The following SUPT16H variants were observed in gnomAD, a reference collection of about 807,000 sequenced individuals.
SUPT16H encodes SPT16 homolog, facilitates chromatin remodeling subunit, also known as FACT complex subunit SPT16.
SUPT16H carries 24 observed loss-of-function variants against 136.2 expected under a neutral mutation model. The observed-to-expected ratio is 0.18, with a 90% CI of 0.13 to 0.25. The LOEUF (loss-of-function observed/expected upper bound fraction) is 0.25. SUPT16H is among the 10% of genes least tolerant of loss of function. SUPT16H has a pLI of 1.00. For synonymous variants in SUPT16H, 415 were observed against 428.2 expected, an observed-to-expected ratio of 0.97 and a Z score of 0.38; for missense variants, 623 against 1,270.2, an observed-to-expected ratio of 0.49 and a Z score of 7.74.
intron 6 of SUPT16H, 112 bp from the exon 7 acceptor site, chr14:21,368,553 T>A (rs571030416): frequency 8.3e-7 from 1 of 1,211,922 alleles, no homozygotes; most frequent in South Asian, 1.9e-5. Context: ...ATCCCAAAGC[T>A]GTGGCTGAAT....
chr14:21,383,869 T>C lies in SUPT16H; in HGVS notation c.59A>G (p.Asn20Ser), dbSNP rs772638192. The part of the protein sequence containing the change: ...YYRRVKRLYS[N>S]WRKGEDEYAN... ...TTACAGGATCTTCCTCACCCGCCAA[T>C]TGCTGTACAGTCTCTTCACTCGCCG... Residue 20 changes from asparagine (N) to serine (S), a missense_variant, in exon 1 of 26, where the codon AAT (asparagine) becomes AGT (serine). Around this residue, in one of 7 missense-constraint regions of SUPT16H, gnomAD observed 343 missense variants for 525.7 expected, o/e 0.65. Transcript: ENST00000216297. The C allele has an allele frequency of 5.5e-5, 88 of 1,613,792 alleles. No homozygotes were observed. Among genetic ancestry groups the C allele is most frequent in the Non-Finnish European group, 7.3e-5 (86 of 1,180,022 alleles).
intron 3 of SUPT16H, 109 bp downstream of exon 3, chr14:21,371,765 G>A: frequency 1.5e-6 from 2 of 1,319,090 alleles, no homozygotes. Context: ...TACAACCACA[G>A]CCACCTATAA....
intron 7 of SUPT16H, among the ~76,000 whole-genome samples, chr14:21,367,247 T>C (rs1886691826): frequency 6.6e-6 from 1 of 152,204 alleles, no homozygotes. Flanking sequence ...CCATTCTTAA[T>C]CATACTATTT....
chr14:21,368,762 T>C (rs965756969), intron 6 of SUPT16H, among the ~76,000 whole-genome samples: 12 of 152,220 alleles, frequency 7.9e-5, no homozygotes, highest in African/African-American at 2.9e-4. Context: ...ACTTATCCAT[T>C]AGTCCTCTAT....
At chr14:21,353,663 G>A (rs1211539644) in intron 24 of SUPT16H, 40 bp downstream of exon 24, 10 of 1,605,968 alleles carry the variant, frequency 6.2e-6, no homozygotes, top group Non-Finnish European at 7.7e-6. Flanking sequence ...AATGACATTA[G>A]ATTAGGAAGC....
In SUPT16H at chr14:21,368,360, G is replaced by A. The variant is rs1886715519; in HGVS notation, c.864C>T (p.Arg288=). 1 of 1,613,982 alleles carries A rather than the reference G, an allele frequency of 6.2e-7. No homozygotes were observed. The highest frequency in any genetic ancestry group is 1.7e-5 in the Admixed American group (1 of 59,990). ...CTTGAGAAGGATCAACCATCAAAGT[G>A]CGAACAAGGTTGGAGCAGTAAGACT... ...RFKSYCSNLV[R]TLMVDPSQEV... is the part of the protein sequence containing the mutation. Residue 288 remains arginine (R), a synonymous_variant, in exon 7 of 26, where the codon CGC becomes CGT. Transcript: ENST00000216297.
rs1886604226 is a variant in SUPT16H, at chr14:21,363,620, A to AAT, written c.1234-119_1234-118dup. The AAT allele has an allele frequency of 5.5e-5, 47 of 847,736 alleles. No individual in the cohort carries two copies. The South Asian group carries it at 7.7e-4, about 14-fold the overall frequency. The allele number at this position is 847,736 out of a possible 1,614,324, so 52.5% of individuals were successfully genotyped here. On this transcript the variant is annotated intron_variant, in intron 10 of 25. Coordinates refer to ENST00000216297, the MANE Select transcript of SUPT16H (RefSeq NM_007192.4). ...TTGGACACTAAAATGTTTGACAATG[A>AAT]ATAAATATAGTTTTTATCCTTCTAA...
intron 15 of SUPT16H, 98 bp from the exon 16 acceptor site, chr14:21,361,311 CTTT>C (rs35486887): frequency 0.016 from 7,445 of 454,484 alleles, 3 homozygotes; most frequent in East Asian, 0.038. Context: ...CTCTACTTTG[CTTT>C]TTTTTTTTTT....
Position 21,373,114 on chromosome 14 carries a change from T to C in SUPT16H, c.159+224A>G, listed in dbSNP as rs554864708. Among the ~76,000 whole-genome samples the C allele has an allele frequency of 2.0e-5, 3 of 152,188 alleles. No homozygotes were observed. In the South Asian group the frequency reaches 6.2e-4, roughly 32 times the overall value. On this transcript the variant is annotated intron_variant, in intron 2 of 25. Coordinates refer to ENST00000216297, the MANE Select transcript of SUPT16H (RefSeq NM_007192.4). ...GCACACCCCCACATCTGCTTAATTT[T>C]TTTGTATTTCTTGTAAAGACAGGGT...
At chr14:21,379,224 C>T (rs1886967630) in intron 1 of SUPT16H, among the ~76,000 whole-genome samples, 1 of 151,902 alleles carries the variant, frequency 6.6e-6, no homozygotes, top group South Asian at 2.1e-4. Flanking sequence ...TTGCTTGAGG[C>T]CAGGAGTTAG....
chr14:21,360,683 T>C (rs2097492043), intron 17 of SUPT16H, 150 bp from the exon 18 acceptor site: 4 of 1,254,264 alleles, frequency 3.2e-6, no homozygotes, highest in Admixed American at 4.5e-5. Context: ...GCAGTGTAAG[T>C]AGATTCCTCC....
chr14:21,376,273 A>C (rs1352966679), intron 1 of SUPT16H, among the ~76,000 whole-genome samples: 1 of 152,180 alleles, frequency 6.6e-6, no homozygotes, highest in Non-Finnish European at 1.5e-5. Flanking sequence ...ACAGCGTTGT[A>C]GTAAGTTTTG....
chr14:21,373,022 C>T (rs563912431), intron 2 of SUPT16H, among the ~76,000 whole-genome samples: 14 of 152,268 alleles, frequency 9.2e-5, no homozygotes, highest in Non-Finnish European at 1.8e-4. Flanking sequence ...TGGCTTACTG[C>T]AACCTCTACC....
intron 6 of SUPT16H, among the ~76,000 whole-genome samples, chr14:21,368,895 A>G (rs1467921229): frequency 6.6e-6 from 1 of 152,214 alleles, no homozygotes; most frequent in Non-Finnish European, 1.5e-5. Flanking sequence ...GAAAAAATAG[A>G]TAACAGAGAC....
At position 21,363,326 on chromosome 14, in the gene SUPT16H, A is replaced by C; in HGVS notation, c.1302T>G (p.Asn434Lys). 1 of 1,605,850 alleles carries C rather than the reference A, an allele frequency of 6.2e-7. No homozygotes were observed. Among genetic ancestry groups the C allele is most frequent in the Non-Finnish European group, 8.5e-7 (1 of 1,175,080 alleles). Residue 434 changes from asparagine to lysine, a missense_variant and splice_region_variant, in exon 12 of 26, where the codon AAT (asparagine) becomes AAG (lysine). By Grantham distance (94) the Asn-to-Lys change is moderately conservative. Transcript: ENST00000216297. ...KVKNVGIFLK[N>K]EDEEEEEEEK... Reference sequence around the variant, plus strand: ...CCTCCTCCTCTTCTTCCTCATCTTCATTCTATGGAAAAAGTCATAATCAAA... The same window carrying C: ...CCTCCTCCTCTTCTTCCTCATCTTCCTTCTATGGAAAAAGTCATAATCAAA...
Position 21,361,167 on chromosome 14 carries a change from G to A in SUPT16H, c.1840C>T (p.Pro614Ser). Residue 614 changes from proline (P) to serine (S), a missense_variant, in exon 16 of 26, where the codon CCA becomes TCA. Pro to Ser is a moderately conservative substitution (Grantham distance 74). Coordinates refer to ENST00000216297, the MANE Select transcript of SUPT16H (RefSeq NM_007192.4). Reference protein sequence around the residue: ...NIKAPGEQTVPALNLQNAFRI... With the variant: ...NIKAPGEQTVSALNLQNAFRI... ...AAAGCATTCTGAAGGTTCAAGGCTG[G>A]TACTGTCTGTTCTCCGGGTGCCTTA... The A allele has an allele frequency of 6.2e-7, 1 of 1,614,056 alleles. No individual in the cohort carries two copies. Among genetic ancestry groups the A allele is most frequent in the Non-Finnish European group, 8.5e-7 (1 of 1,180,008 alleles).
At position 21,383,970 on chromosome 14, in the gene SUPT16H, A is replaced by C. The variant is rs1887115568; in HGVS notation, c.-43T>G. 1 of 1,611,084 alleles carries C rather than the reference A, an allele frequency of 6.2e-7. No homozygotes were observed. Among genetic ancestry groups the C allele is most frequent in the South Asian group, 1.1e-5 (1 of 90,976 alleles). On this transcript the variant is annotated 5_prime_UTR_variant, in exon 1 of 26. Coordinates refer to ENST00000216297, the MANE Select transcript of SUPT16H (RefSeq NM_007192.4). ...CTCCTCGGGTTCCGAGAATCACGCGAGGTCCCGGCTCAGCCACCCGCTCTC... is the reference window on the plus strand; with the variant it reads ...CTCCTCGGGTTCCGAGAATCACGCGCGGTCCCGGCTCAGCCACCCGCTCTC...
At chr14:21,378,905 C>A (rs1167127287) in intron 1 of SUPT16H, among the ~76,000 whole-genome samples, 1 of 151,992 alleles carries the variant, frequency 6.6e-6, no homozygotes, top group African/African-American at 2.4e-5. Flanking sequence ...AAACAGGTGG[C>A]AAAGAATCTG....
At chr14:21,367,769 C>T (rs534141739) in intron 7 of SUPT16H, among the ~76,000 whole-genome samples, 2 of 152,260 alleles carry the variant, frequency 1.3e-5, no homozygotes, top group Non-Finnish European at 2.9e-5. Flanking sequence ...CAATGTAAAC[C>T]ACAATGATCA....
Sources: gnomAD v4.1 joint callset for allele counts (sites outside exome capture counted in the v4.1 genomes callset) on GRCh38, gnomAD v4.1.1 for gene constraint, gnomAD v4.1.1 regional missense constraint, MANE v1.5 for transcripts, NCBI Gene and HGNC (gene_info 2026-07-23, HGNC 2026-07-21) for gene names.